The following DFFB variants were observed in gnomAD, a reference collection of about 807,000 sequenced individuals.
The protein encoded by DFFB is DNA fragmentation factor 40 kDa subunit.
In DFFB, 29 loss-of-function variants were observed where a neutral mutation model predicts 32.7. The observed-to-expected ratio is 0.89, with a 90% CI of 0.66 to 1.21. The LOEUF is 1.21. Among genes scored for constraint, DFFB ranks in the 50% most tolerant of loss-of-function variants. The pLI is 0.00. For synonymous variants in DFFB, 170 were observed against 177.1 expected (o/e 0.96, Z 0.32); for missense variants, 398 against 440.6 (o/e 0.90, Z 0.87).
chr1:3,868,724 T>TACCACACCACACCAGGCCACA (rs1645049352), intron 4 of DFFB, among the ~76,000 whole-genome samples: 4 of 2,962 alleles, frequency 1.4e-3, no homozygotes, highest in Admixed American at 7.1e-3. Context: ...ACCACGTCAT[T>TACCACACCACACCAGGCCACA]CCACACCATG....
At position 3,868,825 on chromosome 1, in the gene DFFB, C is replaced by T. The variant is rs182610746; in HGVS notation, c.510+772C>T. ...TGCTGCCCTGCGTGGTCGGCCCCCA[C>T]GCCCTCGGCCCACTCCTCTCTGTGG... is the stretch of plus-strand genomic sequence containing the variant. On this transcript the variant is annotated intron_variant, in intron 4 of 6. Transcript: ENST00000378209. Among the ~76,000 whole-genome samples the T allele has an allele frequency of 4.6e-3, 694 of 152,386 alleles. 2 individuals are homozygous for T. Among genetic ancestry groups the T allele is most frequent in the African/African-American group, 0.016 (661 of 41,596 alleles).
chr1:3,858,882 G>T (rs1557706118), intron 2 of DFFB, 38 bp downstream of exon 2: 1 of 1,607,670 alleles, frequency 6.2e-7, no homozygotes, highest in South Asian at 1.1e-5. Context: ...CGGGAAGCTG[G>T]CACTCTCCGA....
intron 3 of DFFB, 187 bp downstream of exon 3, chr1:3,866,187 G>T: frequency 1.5e-6 from 1 of 686,326 alleles, no homozygotes; most frequent in Non-Finnish European, 2.6e-6. Flanking sequence ...TACCCAGCAA[G>T]GACTCAGGTG....
Position 3,884,553 on chromosome 1 carries a change from A to G in DFFB, c.*812A>G, listed in dbSNP as rs1638306696. 1 of 152,182 alleles carries G rather than the reference A, an allele frequency of 6.6e-6. No homozygotes were observed. The highest frequency in any genetic ancestry group is 2.4e-5 in the African/African-American group (1 of 41,442). The allele number at this position is 152,182 out of a possible 1,614,324, so 9.4% of individuals were successfully genotyped here. A position where few individuals can be genotyped will look rare whatever the true frequency, so the allele number is the denominator to read the frequency against. On this transcript the variant is annotated 3_prime_UTR_variant, in exon 7 of 7. Coordinates refer to ENST00000378209, the MANE Select transcript of DFFB (RefSeq NM_004402.4). ...GTTTATACTCCGTAAAGAACATACA[A>G]GGACATTCACTGCTGATTTTTTTTT...
In DFFB at chr1:3,883,798, C is replaced by A; in HGVS notation, c.*57C>A. On this transcript the variant is annotated 3_prime_UTR_variant, in exon 7 of 7. Transcript: ENST00000378209. ...AGGCCTGACGTGGGCATCATTTTAACAGGTGCCTTTTTTGTTTTTTTGTTT... is the reference window on the plus strand; with the variant it reads ...AGGCCTGACGTGGGCATCATTTTAAAAGGTGCCTTTTTTGTTTTTTTGTTT... 6.7e-7 allele frequency: 1 copy of A among 1,491,616 alleles called. No homozygotes were observed. Among genetic ancestry groups the A allele is most frequent in the Non-Finnish European group, 9.2e-7 (1 of 1,086,256 alleles). The allele number at this position is 1,491,616 out of a possible 1,614,324, so 92.4% of individuals were successfully genotyped here.
chr1:3,864,494 A>C (rs941251209), intron 2 of DFFB, among the ~76,000 whole-genome samples: 2 of 151,878 alleles, frequency 1.3e-5, no homozygotes, highest in Non-Finnish European at 2.9e-5. Context: ...CTTAATATGC[A>C]TTTCCCTAAT....
chr1:3,865,084 T>G lies in DFFB; in HGVS notation c.242-728T>G, dbSNP rs1316332729. On this transcript the variant is annotated intron_variant, in intron 2 of 6. Transcript: ENST00000378209. This position sits in a 1 kb window ranked among gnomAD's most constrained non-coding sequence, Gnocchi z 4.7. ...ATTCTCTTAAGAGCATTTTTTTTTTTGCGGAGTAAGAGTTTTTAGTTTTGA... is the reference window on the plus strand; with the variant it reads ...ATTCTCTTAAGAGCATTTTTTTTTTGGCGGAGTAAGAGTTTTTAGTTTTGA... Among the ~76,000 whole-genome samples the G allele has an allele frequency of 7.0e-6, 1 of 142,114 alleles. No individual in the cohort carries two copies. Among genetic ancestry groups the G allele is most frequent in the African/African-American group, 2.6e-5 (1 of 38,552 alleles). 93.2% of individuals were successfully genotyped at this position (142,114 alleles called of 152,430 possible).
At chr1:3,879,689 C>T (rs1645298372) in intron 6 of DFFB, among the ~76,000 whole-genome samples, 1 of 152,122 alleles carries the variant, frequency 6.6e-6, no homozygotes, top group Admixed American at 6.6e-5. Context: ...TGGTATTTTC[C>T]TCTGGCAGCT....
chr1:3,862,561 G>A (rs1644897524), intron 2 of DFFB, among the ~76,000 whole-genome samples: 1 of 152,220 alleles, frequency 6.6e-6, no homozygotes, highest in Non-Finnish European at 1.5e-5. Context: ...CTATGTATCT[G>A]TGGTCAGGAT....
intron 6 of DFFB, among the ~76,000 whole-genome samples, chr1:3,880,480 T>C (rs921564080): frequency 1.8e-4 from 27 of 152,294 alleles, no homozygotes; most frequent in African/African-American, 6.3e-4. Flanking sequence ...CCTGCTGTAG[T>C]TGGTGTCAGG....
chr1:3,876,788 T>A (rs557740468), intron 6 of DFFB, among the ~76,000 whole-genome samples: 2 of 152,280 alleles, frequency 1.3e-5, no homozygotes, highest in African/African-American at 4.8e-5. Context: ...TAGTGCCACC[T>A]CACACCAGGG....
chr1:3,858,581 A>G, intron 1 of DFFB, 137 bp from the exon 2 acceptor site: 6 of 1,090,182 alleles, frequency 5.5e-6, no homozygotes, highest in Non-Finnish European at 7.9e-6. Flanking sequence ...TGGGCGTTGG[A>G]GCGACTGTGG....
intron 6 of DFFB, among the ~76,000 whole-genome samples, chr1:3,876,582 G>A (rs1375657913): frequency 6.6e-6 from 1 of 152,222 alleles, no homozygotes; most frequent in African/African-American, 2.4e-5. Flanking sequence ...CGTGCCACAT[G>A]TTTAATTATT....
chr1:3,872,631 T>C (rs11581401), intron 6 of DFFB, 59 bp downstream of exon 6: 32,162 of 1,395,068 alleles, frequency 0.023, 1,826 homozygotes, highest in Non-Finnish European at 0.026. Flanking sequence ...GTCCCTGCCG[T>C]GGCCCTGTCC....
rs368286589 is a variant in DFFB at position 3,872,601 on chromosome 1, A to T, written c.782+29A>T. 54 of 1,374,906 alleles carry T rather than the reference A, an allele frequency of 3.9e-5. No individual in the cohort carries two copies. In the African/African-American group the frequency reaches 8.9e-4, roughly 23 times the overall value. 85.2% of individuals were successfully genotyped at this position (1,374,906 alleles called of 1,614,324 possible). On this transcript the variant is annotated intron_variant, in intron 6 of 6. Transcript: ENST00000378209. ...AGCTCACAGAGCGAGGTTCAGACCC[A>T]CGAGTGCCTGCAGGGCCCTGTCCCT...
At position 3,865,659 on chromosome 1, in the gene DFFB, A is replaced by G. The variant is rs1349083541; in HGVS notation, c.242-153A>G. 8.4e-7 allele frequency: 1 copy of G among 1,195,882 alleles called. No individual in the cohort carries two copies. The highest frequency in any genetic ancestry group is 1.2e-6 in the Non-Finnish European group (1 of 802,396). The allele number at this position is 1,195,882 out of a possible 1,614,324, so 74.1% of individuals were successfully genotyped here. On this transcript the variant is annotated intron_variant, in intron 2 of 6. Transcript: ENST00000378209. The surrounding 1 kb of genome is among the most constrained non-coding windows in gnomAD (Gnocchi z 4.7). ...GGTCCCCAGCTGTTGGTGTCAGGGC[A>G]AGGACAAAGACCCGGGACACCTCAA...
chr1:3,863,387 C>T (rs1010173992), intron 2 of DFFB, among the ~76,000 whole-genome samples: 7 of 152,216 alleles, frequency 4.6e-5, no homozygotes, highest in South Asian at 2.1e-4. Context: ...GGATGCAGAG[C>T]GGCTGGAACC....
At position 3,869,763 on chromosome 1, in the gene DFFB, G is replaced by T; in HGVS notation, c.669G>T (p.Trp223Cys). Residue 223 changes from tryptophan (W) to cysteine (C), a missense_variant, in exon 5 of 7, where the codon TGG becomes TGT. Coordinates refer to ENST00000378209, the MANE Select transcript of DFFB (RefSeq NM_004402.4). ...GGSRLCTPEGWFSCQGPFDMD... is the reference protein window; with the variant it reads ...GGSRLCTPEGCFSCQGPFDMD... ...GCCGCCTCTGCACACCGGAAGGCTG[G>T]TTCTCCTGCCAGGTGAGCTGTGTGC... 6.2e-7 allele frequency: 1 copy of T among 1,604,918 alleles called. No homozygotes were observed. Among genetic ancestry groups the T allele is most frequent in the Non-Finnish European group, 8.5e-7 (1 of 1,173,882 alleles).
intron 3 of DFFB, among the ~76,000 whole-genome samples, chr1:3,867,187 C>T (rs12035912): frequency 0.29 from 44,820 of 152,224 alleles, 7,714 homozygotes; most frequent in East Asian, 0.4. Flanking sequence ...TGAGCCACCA[C>T]GTTCAGCCAA....
Sources: gnomAD v4.1 joint callset for allele counts (sites outside exome capture counted in the v4.1 genomes callset) on GRCh38, gnomAD v4.1.1 for gene constraint, Gnocchi (gnomAD v3.1) non-coding constraint, MANE v1.5 for transcripts, NCBI Gene and HGNC (gene_info 2026-07-23, HGNC 2026-07-21) for gene names.